MYH1: variants seen among roughly 807,000 people sequenced by gnomAD.
The protein encoded by MYH1 is myosin heavy chain 1, also known as myosin-1.
Under a neutral mutation model 225.6 loss-of-function variants are expected in MYH1, and 214 were observed. The observed-to-expected ratio is 0.95, with a 90% CI of 0.85 to 1.06. MYH1 has a LOEUF of 1.06. MYH1 is among the 50% of genes least tolerant of loss of function. MYH1 has a pLI of 0.00. For synonymous variants in MYH1, 774 were observed against 842.3 expected (o/e 0.92, Z 1.40); for missense variants, 2,098 against 2,344.2 (o/e 0.89, Z 2.17).
rs1221471058 is a variant in MYH1 at position 10,505,405 on chromosome 17, T to C, written c.2281A>G (p.Lys761Glu). Reference protein sequence around the residue: ...GSIDIDHTQYKFGHTKVFFKA... With the variant: ...GSIDIDHTQYEFGHTKVFFKA... ...AATATTACCTTGGTGTGACCAAATT[T>C]ATACTGGGTGTGGTCAATGTCAATG... Residue 761 changes from lysine (K) to glutamate (E), a missense_variant, in exon 20 of 40, where the codon AAA (lysine) becomes GAA (glutamate). Physicochemically the swap from Lys to Glu is moderately conservative, Grantham distance 56 (BLOSUM62 1). Coordinates refer to ENST00000226207, the MANE Select transcript of MYH1 (RefSeq NM_005963.4). The C allele has an allele frequency of 6.2e-7, 1 of 1,614,248 alleles. No individual in the cohort carries two copies. Among genetic ancestry groups the C allele is most frequent in the South Asian group, 1.1e-5 (1 of 91,088 alleles).
At chr17:10,516,848 G>C (rs971942476) in intron 2 of MYH1, among the ~76,000 whole-genome samples, 166 bp from the exon 3 acceptor site, 2 of 152,182 alleles carry the variant, frequency 1.3e-5, no homozygotes, top group Non-Finnish European at 2.9e-5. Context: ...TCCTTGTTCT[G>C]TGCCAGTGCT....
chr17:10,505,032 A>G lies in MYH1; in HGVS notation c.2469T>C (p.Arg823=). 6.2e-7 allele frequency: 1 copy of G among 1,614,210 alleles called. No homozygotes were observed. Among genetic ancestry groups the G allele is most frequent in the Non-Finnish European group, 8.5e-7 (1 of 1,180,040 alleles). ...GCCAGTGCTTCACATTCATGAAGGCACGGACATTGTACTGGATGCAGAAGA... is the reference window on the plus strand; with the variant it reads ...GCCAGTGCTTCACATTCATGAAGGCGCGGACATTGTACTGGATGCAGAAGA... ...ESIFCIQYNV[R]AFMNVKHWPW... is the part of the protein sequence containing the mutation. Residue 823 remains arginine (R), a synonymous_variant, in exon 22 of 40, where the codon CGT becomes CGC. Coordinates refer to ENST00000226207, the MANE Select transcript of MYH1 (RefSeq NM_005963.4).
In MYH1 at chr17:10,497,786, C is replaced by T; in HGVS notation, c.4313G>A (p.Arg1438Lys). 1 of 1,614,140 alleles carries T rather than the reference C, an allele frequency of 6.2e-7. No individual in the cohort carries two copies. Among genetic ancestry groups the T allele is most frequent in the Non-Finnish European group, 8.5e-7 (1 of 1,180,018 alleles). Residue 1438 changes from arginine (R) to lysine (K), a missense_variant, in exon 31 of 40, where the codon AGG becomes AAG. Physicochemically the swap from Arg to Lys is conservative, Grantham distance 26. Coordinates refer to ENST00000226207, the MANE Select transcript of MYH1 (RefSeq NM_005963.4). ...EVEDLMIDVE[R>K]TNAACAALDK... ...CAGGGCGGCACAGGCAGCATTTGTC[C>T]TCTCAACATCAATCATGAGGTCCTC...
In MYH1 at chr17:10,503,324, C is replaced by T. The variant is rs193236252; in HGVS notation, c.2692-76G>A. 7,176 of 1,560,680 alleles carry T rather than the reference C, an allele frequency of 4.6e-3. 23 individuals carry two copies. The highest frequency in any genetic ancestry group is 0.014 in the Middle Eastern group (84 of 5,806). ...TTCAGATTTTATTAATATTTTGAAA[C>T]CAAACAAGTAAATTGTTTTAAGCCT... is the stretch of plus-strand genomic sequence containing the variant. On this transcript the variant is annotated intron_variant, in intron 22 of 39. Coordinates refer to ENST00000226207, the MANE Select transcript of MYH1 (RefSeq NM_005963.4).
In MYH1 at chr17:10,497,147, G is replaced by A. The variant is rs61730796; in HGVS notation, c.4578C>T (p.Arg1526=). Residue 1526 remains arginine (R), a synonymous_variant, in exon 33 of 40, where the codon CGC becomes CGT. Transcript: ENST00000226207. ...TCTTTATTTTTTCCAGTTCATGGAT[G>A]CGCTTTCCTCCTTCTGCAATCTGTT... ...LTEQIAEGGK[R]IHELEKIKKQ... The A allele has an allele frequency of 2.5e-6, 4 of 1,614,060 alleles. No homozygotes were observed. Among genetic ancestry groups the A allele is most frequent in the Non-Finnish European group, 3.4e-6 (4 of 1,180,004 alleles).
intron 27 of MYH1, among the ~76,000 whole-genome samples, 162 bp downstream of exon 27, chr17:10,500,948 T>C (rs1260316660): frequency 6.6e-6 from 1 of 152,022 alleles, no homozygotes; most frequent in Non-Finnish European, 1.5e-5. Context: ...ATACAGCCAC[T>C]GAATTACTTG....
chr17:10,501,007 G>A (rs941112071), intron 27 of MYH1, 103 bp downstream of exon 27: 1 of 1,535,580 alleles, frequency 6.5e-7, no homozygotes. Flanking sequence ...ATGAGAAAAA[G>A]GGTGCCTGAT....
Position 10,514,882 on chromosome 17 carries a change from C to A in MYH1, c.519G>T (p.Gln173His). 1 of 1,612,624 alleles carries A rather than the reference C, an allele frequency of 6.2e-7. No homozygotes were observed. The highest frequency in any genetic ancestry group is 8.5e-7 in the Non-Finnish European group (1 of 1,179,050). The change falls in exon 6 of 40, where the codon CAG (glutamine) becomes CAT (histidine). Residue 173 changes from glutamine to histidine, a missense_variant. Gln to His is a conservative substitution (Grantham distance 24, BLOSUM62 0). Coordinates refer to ENST00000226207, the MANE Select transcript of MYH1 (RefSeq NM_005963.4). ...GGAATACATACGTGATCAAGATAGA[C>A]TGATTCTCCCGATCTAGAAGAAAAA... ...YQFMLTDREN[Q>H]SILITGESGA...
chr17:10,496,898 A>G (rs2073001083), intron 33 of MYH1, among the ~76,000 whole-genome samples, 171 bp downstream of exon 33: 1 of 152,234 alleles, frequency 6.6e-6, no homozygotes, highest in African/African-American at 2.4e-5. Flanking sequence ...AGTGTGTAGC[A>G]CAGTTCCTGA....
At chr17:10,495,778 C>CAAAAAAAAAAAAAAAAAAAAA (rs2072985156) in intron 35 of MYH1, among the ~76,000 whole-genome samples, 172 bp downstream of exon 35, 1 of 52,630 alleles carries the variant, frequency 1.9e-5, no homozygotes, top group Non-Finnish European at 4.9e-5. Flanking sequence ...AAAAAAAAAT[C>CAAAAAAAAAAAAAAAAAAAAA]AACTATGGAT....
intron 12 of MYH1, 42 bp from the exon 13 acceptor site, chr17:10,512,234 G>A: frequency 6.3e-7 from 1 of 1,599,554 alleles, no homozygotes; most frequent in South Asian, 1.1e-5. Context: ...ACTTACTCTG[G>A]GACCCACAGT....
In MYH1 at chr17:10,509,656, C is replaced by T. The variant is rs1391707854; in HGVS notation, c.1417-1G>A. The T allele has an allele frequency of 1.2e-6, 2 of 1,614,122 alleles. No homozygotes were observed. The highest frequency in any genetic ancestry group is 1.6e-4 in the Middle Eastern group (1 of 6,062). On this transcript the variant is annotated splice_acceptor_variant, in intron 14 of 39. Transcript: ENST00000226207. LOFTEE classifies it high-confidence loss of function. ...TGCACAGCTGCTCCAGGCTGTTGAA[C>T]TAAATGAGTTGAAAATACAAATTAG...
chr17:10,505,614 C>T (rs2142268196), intron 19 of MYH1, 103 bp from the exon 20 acceptor site: 3 of 1,446,714 alleles, frequency 2.1e-6, no homozygotes, highest in African/African-American at 2.9e-5. Context: ...CTGAAATAAA[C>T]AAGAAATCAT....
At chr17:10,493,339 T>C (rs2072953873) in intron 39 of MYH1, among the ~76,000 whole-genome samples, 1 of 152,162 alleles carries the variant, frequency 6.6e-6, no homozygotes, top group Non-Finnish European at 1.5e-5. Flanking sequence ...TTTCTCTCCC[T>C]CCCTCATTCC....
intron 31 of MYH1, 42 bp from the exon 32 acceptor site, chr17:10,497,494 T>C (rs2073009242): frequency 1.3e-6 from 2 of 1,579,174 alleles, no homozygotes; most frequent in South Asian, 2.4e-5. Flanking sequence ...TGGACAAAAT[T>C]TGATGAGATA....
intron 6 of MYH1, 103 bp downstream of exon 6, chr17:10,514,765 C>T (rs747633299): frequency 2.0e-6 from 2 of 990,672 alleles, no homozygotes; most frequent in African/African-American, 1.6e-5. Flanking sequence ...CCAGGTTGAT[C>T]ATTCAGTGCT....
In MYH1 at chr17:10,514,127, G is replaced by A. The variant is rs781139217; in HGVS notation, c.534-3C>T. The A allele has an allele frequency of 1.9e-6, 3 of 1,614,016 alleles. No individual in the cohort carries two copies. The highest frequency in any genetic ancestry group is 2.5e-6 in the Non-Finnish European group (3 of 1,179,884). On this transcript the variant is annotated splice_region_variant and splice_polypyrimidine_tract_variant and intron_variant, in intron 6 of 39. Coordinates refer to ENST00000226207, the MANE Select transcript of MYH1 (RefSeq NM_005963.4). ...TCTTCCCTGCGCCAGATTCTCCGCT[G>A]TCAAAGACCAAACGTATGAGAAATT...
chr17:10,505,365 A>T (rs1292893411), intron 20 of MYH1, 23 bp downstream of exon 20: 2 of 1,614,238 alleles, frequency 1.2e-6, no homozygotes, highest in Admixed American at 1.7e-5. Flanking sequence ...GAATAGCATC[A>T]GGTAGGATTT....
rs561958471 is a variant in MYH1, at chr17:10,510,329, A to G, written c.1417-674T>C. Among the ~76,000 whole-genome samples the G allele has an allele frequency of 3.2e-4, 49 of 152,328 alleles. No individual in the cohort carries two copies. The South Asian group carries it at 5.6e-3, about 17-fold the overall frequency. ...AATATTTGGTGAACATTTACTCTAC[A>G]GTAGACACTATGCTGAGTGCCTTGT... On this transcript the variant is annotated intron_variant, in intron 14 of 39. Coordinates refer to ENST00000226207, the MANE Select transcript of MYH1 (RefSeq NM_005963.4).
Sources: allele counts gnomAD v4.1 joint callset (sites outside exome capture counted in the v4.1 genomes callset), GRCh38; gene constraint gnomAD v4.1.1; transcripts MANE v1.5; gene names NCBI Gene and HGNC (gene_info 2026-07-23, HGNC 2026-07-21).